The following OPCML variants were observed in gnomAD, a reference collection of about 807,000 sequenced individuals.
OPCML encodes opioid-binding protein/cell adhesion molecule.
In OPCML, 13 loss-of-function variants were observed where a neutral mutation model predicts 37.8. That is an observed-to-expected ratio of 0.34 (90% CI 0.22 to 0.55). The LOEUF (loss-of-function observed/expected upper bound fraction) is 0.55. Ranked by LOEUF, OPCML falls within the 20% of genes least tolerant of loss-of-function variation. OPCML has a pLI of 0.91. For synonymous variants in OPCML, 176 were observed against 168.8 expected, an observed-to-expected ratio of 1.04 and a Z score of -0.33; for missense variants, 341 against 435.6, an observed-to-expected ratio of 0.78 and a Z score of 1.93.
At chr11:132,636,391 C>T (rs1046649493) in intron 3 of OPCML, among the ~76,000 whole-genome samples, 1 of 152,208 alleles carries the variant, frequency 6.6e-6, no homozygotes, top group African/African-American at 2.4e-5. Context: ...CCTAGTTCAT[C>T]CAGCTCATGT....
At chr11:133,112,048 T>G (rs1949262077) in intron 1 of OPCML, among the ~76,000 whole-genome samples, 1 of 152,156 alleles carries the variant, frequency 6.6e-6, no homozygotes, top group Admixed American at 6.6e-5. Flanking sequence ...ACGCTGGTTC[T>G]TAGAAAATAT....
intron 2 of OPCML, among the ~76,000 whole-genome samples, chr11:132,922,715 A>G (rs887578681): frequency 4.6e-5 from 7 of 152,170 alleles, no homozygotes; most frequent in African/African-American, 1.4e-4. Flanking sequence ...TGTACTCACA[A>G]CTTGAGATAC....
At chr11:132,880,398 A>T (rs1943184398) in intron 2 of OPCML, among the ~76,000 whole-genome samples, 1 of 152,184 alleles carries the variant, frequency 6.6e-6, no homozygotes, top group East Asian at 1.9e-4. Context: ...TTAATTCAGT[A>T]TTTTATTTTC....
In OPCML at chr11:133,174,340, G is replaced by T. The variant is rs1202251693; in HGVS notation, c.62-231330C>A. 2.0e-5 allele frequency among the ~76,000 whole-genome samples: 3 copies of T among 152,100 alleles called. No homozygotes were observed. Among genetic ancestry groups the T allele is most frequent in the Admixed American group, 6.5e-5 (1 of 15,268 alleles). On this transcript the variant is annotated intron_variant, in intron 1 of 7. Transcript: ENST00000524381. This position sits in a 1 kb window ranked among gnomAD's most constrained non-coding sequence, Gnocchi z 4.6. ...CATGAACCTAGGTTCCAGGTCAGAT[G>T]AAATGGCCATTTCTAGTTTCTCAAA...
intron 2 of OPCML, among the ~76,000 whole-genome samples, chr11:132,876,179 A>C (rs970828148): frequency 1.3e-5 from 2 of 152,230 alleles, no homozygotes; most frequent in African/African-American, 4.8e-5. Context: ...GTTTCATAGA[A>C]GTCGGGAATC....
chr11:133,141,101 A>AAGAAGAAGAAGAAGAAGC lies in OPCML; in HGVS notation c.62-198092_62-198091insGCTTCTTCTTCTTCTTCT, dbSNP rs1565469400. Among the ~76,000 whole-genome samples, 9 of 139,812 alleles carry AAGAAGAAGAAGAAGAAGC rather than the reference A, an allele frequency of 6.4e-5. 1 individual carries two copies. Among genetic ancestry groups the AAGAAGAAGAAGAAGAAGC allele is most frequent in the African/African-American group, 2.3e-4 (9 of 38,986 alleles). 91.7% of individuals were successfully genotyped at this position (139,812 alleles called of 152,430 possible). A position where few individuals can be genotyped will look rare whatever the true frequency, so the allele number is the denominator to read the frequency against. ...GAAGAAGAAGAAGAAGAAGGAGAAG[A>AAGAAGAAGAAGAAGAAGC]AGAAGCAGCTGAATGCCAAAGTGTG... is the stretch of plus-strand genomic sequence containing the variant. On this transcript the variant is annotated intron_variant, in intron 1 of 7. Transcript: ENST00000524381.
intron 2 of OPCML, among the ~76,000 whole-genome samples, chr11:132,846,258 A>G (rs1941534310): frequency 1.3e-5 from 2 of 152,190 alleles, no homozygotes; most frequent in African/African-American, 4.8e-5. Context: ...GGAGCCACAT[A>G]AAACTTAACC....
chr11:133,431,802 TATATATA>T, intron 1 of OPCML, among the ~76,000 whole-genome samples: 1 of 147,698 alleles, frequency 6.8e-6, no homozygotes, highest in Non-Finnish European at 1.5e-5. Context: ...ATAAAATATT[TATATATA>T]ATATATATAA....
intron 1 of OPCML, among the ~76,000 whole-genome samples, chr11:133,249,983 C>T (rs997627527): frequency 2.0e-5 from 3 of 152,180 alleles, no homozygotes; most frequent in African/African-American, 7.2e-5. Flanking sequence ...TTGGGAAATT[C>T]CATCTAACAA....
chr11:132,437,692 C>G (rs1018863391), intron 4 of OPCML, among the ~76,000 whole-genome samples: 5 of 152,074 alleles, frequency 3.3e-5, no homozygotes. Context: ...CATTGCCAAA[C>G]TGATATTTTA....
chr11:133,510,886 T>TACAC (rs918183059), intron 1 of OPCML, among the ~76,000 whole-genome samples: 9 of 145,294 alleles, frequency 6.2e-5, no homozygotes, highest in African/African-American at 2.2e-4. Context: ...GCCAGCCACA[T>TACAC]ACACACACAC....
chr11:133,145,629 A>G (rs2137176998), intron 1 of OPCML, among the ~76,000 whole-genome samples: 1 of 152,368 alleles, frequency 6.6e-6, no homozygotes, highest in South Asian at 2.1e-4. Flanking sequence ...GGACAAAAAG[A>G]AAGAAGCAAG....
At chr11:132,845,386 A>G (rs952514670) in intron 2 of OPCML, among the ~76,000 whole-genome samples, 7 of 152,214 alleles carry the variant, frequency 4.6e-5, no homozygotes, top group Admixed American at 1.3e-4. Context: ...GAAAGAAAAT[A>G]TAGAACAAAG....
intron 1 of OPCML, among the ~76,000 whole-genome samples, chr11:133,051,201 A>G (rs972834019): frequency 6.6e-6 from 1 of 152,188 alleles, no homozygotes; most frequent in Non-Finnish European, 1.5e-5. Flanking sequence ...ATGGAAACAA[A>G]CCCACACATA....
At chr11:132,509,199 G>T (rs1185382878) in intron 4 of OPCML, among the ~76,000 whole-genome samples, 2 of 152,170 alleles carry the variant, frequency 1.3e-5, no homozygotes, top group African/African-American at 4.8e-5. Context: ...AGTTGAGAGA[G>T]ATGATTTTGG....
At chr11:133,007,475 T>C in intron 1 of OPCML, 1 of 985,478 alleles carries the variant, frequency 1.0e-6, no homozygotes, top group African/African-American at 1.7e-5. Context: ...GATTATTCTA[T>C]TAATTTGTTA....
chr11:132,506,476 T>C (rs567240832), intron 4 of OPCML, among the ~76,000 whole-genome samples: 1 of 152,288 alleles, frequency 6.6e-6, no homozygotes, highest in Admixed American at 6.5e-5. Flanking sequence ...GTGGAAGAAT[T>C]GTTATAAATC....
intron 1 of OPCML, among the ~76,000 whole-genome samples, chr11:133,483,789 C>CAAAGATG (rs1565659653): frequency 2.6e-5 from 1 of 38,768 alleles, no homozygotes; most frequent in African/African-American, 2.8e-4. Context: ...TGGATAGATA[C>CAAAGATG]ATAGATGATA....
At chr11:133,456,699 T>G (rs191017096) in intron 1 of OPCML, among the ~76,000 whole-genome samples, 1 of 147,744 alleles carries the variant, frequency 6.8e-6, no homozygotes, top group Non-Finnish European at 1.5e-5. Flanking sequence ...ATGAACAAAA[T>G]AATAATATCA....
Sources: allele counts gnomAD v4.1 joint callset (sites outside exome capture counted in the v4.1 genomes callset), GRCh38; gene constraint gnomAD v4.1.1; non-coding constraint Gnocchi (gnomAD v3.1); transcripts MANE v1.5; gene names NCBI Gene and HGNC (gene_info 2026-07-23, HGNC 2026-07-21).